The following STK32B variants were observed in gnomAD, a reference collection of about 807,000 sequenced individuals.
STK32B encodes serine/threonine kinase 32B.
In STK32B, 43 loss-of-function variants were observed where a neutral mutation model predicts 52.6. That is an observed-to-expected ratio of 0.82 (90% CI 0.64 to 1.05). The LOEUF (loss-of-function observed/expected upper bound fraction) is 1.05, where lower values mean the gene tolerates loss of function less well. Among genes scored for constraint, STK32B ranks in the 50% least tolerant of loss-of-function variants. The pLI, the probability that STK32B is intolerant of heterozygous loss-of-function variation, is 0.00. For synonymous variants in STK32B, 238 were observed against 204.3 expected (o/e 1.17, Z -1.41); for missense variants, 621 against 534.6 (o/e 1.16, Z -1.59).
Position 5,317,088 on chromosome 4 carries a change from A to AT in STK32B, c.261-14132_261-14131insT, listed in dbSNP as rs1560312798. ...ATAATATATTATATATTATATATAT[A>AT]ATATATATGATATAATATATAATAT... On this transcript the variant is annotated intron_variant, in intron 3 of 11. Coordinates refer to ENST00000282908, the MANE Select transcript of STK32B (RefSeq NM_018401.3). 5.3e-4 allele frequency among the ~76,000 whole-genome samples: 18 copies of AT among 34,090 alleles called. 1 individual carries two copies. Among genetic ancestry groups the AT allele is most frequent in the Admixed American group, 1.1e-3 (2 of 1,828 alleles). The allele number at this position is 34,090 out of a possible 152,430, so 22.4% of individuals were successfully genotyped here. A position where few individuals can be genotyped will look rare whatever the true frequency, so the allele number is the denominator to read the frequency against.
chr4:5,228,548 G>T (rs1724029105), intron 3 of STK32B, among the ~76,000 whole-genome samples: 1 of 152,114 alleles, frequency 6.6e-6, no homozygotes, highest in Non-Finnish European at 1.5e-5. Flanking sequence ...TATGGATCTT[G>T]TTTTTTCTGT....
Position 5,460,218 on chromosome 4 carries a change from T to C in STK32B, c.899T>C (p.Phe300Ser). The C allele has an allele frequency of 6.2e-7, 1 of 1,612,194 alleles. No homozygotes were observed. The highest frequency in any genetic ancestry group is 1.1e-5 in the South Asian group (1 of 90,776). ...AVFKKALMPGFVPNKGRLNCD... is the reference protein window; with the variant it reads ...AVFKKALMPGSVPNKGRLNCD... The stretch of plus-strand genomic sequence containing the variant: ...TTCAAGAAGGCACTGATGCCCGGCT[T>C]TGTGCCCAATGTGAGTGGAAGTCCC... The change falls in exon 9 of 12, where the codon TTT becomes TCT. Residue 300 changes from phenylalanine (F) to serine (S), a missense_variant. Coordinates refer to ENST00000282908, the MANE Select transcript of STK32B (RefSeq NM_018401.3). The surrounding 1 kb of genome is among the most constrained non-coding windows in gnomAD (Gnocchi z 4.8).
chr4:5,389,755 C>G (rs1338618517), intron 4 of STK32B, among the ~76,000 whole-genome samples: 1 of 151,988 alleles, frequency 6.6e-6, no homozygotes, highest in African/African-American at 2.4e-5. Context: ...ACATCCTAAT[C>G]CTTATAATCT....
chr4:5,405,492 C>T (rs1189664786), intron 5 of STK32B, among the ~76,000 whole-genome samples: 2 of 152,140 alleles, frequency 1.3e-5, no homozygotes, highest in East Asian at 1.9e-4. Flanking sequence ...GGAGGTGCGG[C>T]TGTGTTAGTC....
chr4:5,089,609 C>A (rs549652353), intron 1 of STK32B, among the ~76,000 whole-genome samples: 3 of 152,172 alleles, frequency 2.0e-5, no homozygotes, highest in African/African-American at 7.2e-5. Flanking sequence ...GGGTTGGTTC[C>A]ATGTCTTTGG....
chr4:5,329,729 A>G (rs1313319904), intron 3 of STK32B, among the ~76,000 whole-genome samples: 1 of 152,184 alleles, frequency 6.6e-6, no homozygotes, highest in Non-Finnish European at 1.5e-5. Context: ...TGGTAAATTC[A>G]TGATCTGGGG....
chr4:5,206,052 C>CT (rs1722555990), intron 3 of STK32B, among the ~76,000 whole-genome samples: 1 of 152,176 alleles, frequency 6.6e-6, no homozygotes, highest in South Asian at 2.1e-4. Context: ...AACCAAAAAT[C>CT]TTTATAGTAC....
In STK32B at chr4:5,456,830, C is replaced by T. The variant is rs1021302107; in HGVS notation, c.690C>T (p.Val230=). The T allele has an allele frequency of 6.3e-7, 1 of 1,595,112 alleles. No homozygotes were observed. Among genetic ancestry groups the T allele is most frequent in the Non-Finnish European group, 8.6e-7 (1 of 1,168,412 alleles). Residue 230 remains valine (V), a synonymous_variant, in exon 8 of 12, where the codon GTC becomes GTT. Coordinates refer to ENST00000282908, the MANE Select transcript of STK32B (RefSeq NM_018401.3). ...AGAGGCCGTACGAAATCCACTCGGTCACGCCCATCGATGAAATCCTCAACA... is the reference window on the plus strand; with the variant it reads ...AGAGGCCGTACGAAATCCACTCGGTTACGCCCATCGATGAAATCCTCAACA... The part of the protein sequence containing the change: ...RGWRPYEIHS[V]TPIDEILNMF...
intron 4 of STK32B, among the ~76,000 whole-genome samples, chr4:5,390,286 G>A (rs1474655205): frequency 1.3e-5 from 2 of 152,176 alleles, no homozygotes; most frequent in South Asian, 2.1e-4. Context: ...GCTGGCCATG[G>A]CCCAGCCACA....
intron 6 of STK32B, among the ~76,000 whole-genome samples, chr4:5,443,076 A>T (rs1410650524): frequency 1.3e-5 from 2 of 148,934 alleles, no homozygotes; most frequent in African/African-American, 5.0e-5. Context: ...TCTGACAATT[A>T]TGTGTCTTGG....
chr4:5,414,285 C>A (rs1023777304), intron 5 of STK32B, among the ~76,000 whole-genome samples: 6 of 151,868 alleles, frequency 4.0e-5, no homozygotes, highest in African/African-American at 1.4e-4. Flanking sequence ...ACGTGTTTAA[C>A]ACAATATGTA....
At chr4:5,230,417 T>C (rs886736036) in intron 3 of STK32B, among the ~76,000 whole-genome samples, 1 of 151,952 alleles carries the variant, frequency 6.6e-6, no homozygotes, top group African/African-American at 2.4e-5. Flanking sequence ...ATCGAACTCC[T>C]AACCTCAGCT....
intron 4 of STK32B, among the ~76,000 whole-genome samples, chr4:5,390,445 C>T (rs2062665888): frequency 6.6e-6 from 1 of 152,166 alleles, no homozygotes; most frequent in African/African-American, 2.4e-5. Flanking sequence ...TCACAAGCTT[C>T]AAAGTTGGAG....
At chr4:5,265,071 A>C (rs1025041862) in intron 3 of STK32B, among the ~76,000 whole-genome samples, 5 of 152,156 alleles carry the variant, frequency 3.3e-5, no homozygotes, top group Non-Finnish European at 5.9e-5. Context: ...TAGATCTATT[A>C]CTGATCTCAC....
In STK32B at chr4:5,169,664, C is replaced by T. The variant is rs139754329; in HGVS notation, c.260+1214C>T. Among the ~76,000 whole-genome samples the T allele has an allele frequency of 7.9e-5, 12 of 152,184 alleles. No individual in the cohort carries two copies. In the Middle Eastern group the frequency reaches 0.014, roughly 173 times the overall value. On this transcript the variant is annotated intron_variant, in intron 3 of 11. Transcript: ENST00000282908. ...GTCTCAGTATCCACCGAGAGTTCTT[C>T]GTGTCTCTGTGCAGTGATCTAAAAA... is the stretch of plus-strand genomic sequence containing the variant.
At chr4:5,024,519 T>C in the STK32B span, among the ~76,000 whole-genome samples, 80 of 152,338 alleles carry the variant, frequency 5.3e-4, no homozygotes, top group African/African-American at 1.9e-3. Context: ...CTGACACATA[T>C]ACCATTAGCT....
intron 1 of STK32B, among the ~76,000 whole-genome samples, chr4:5,064,380 A>G (rs1392371963): frequency 6.1e-5 from 6 of 99,090 alleles, no homozygotes; most frequent in Non-Finnish European, 1.4e-4. Flanking sequence ...ATACATATAT[A>G]ATATATAAAT....
intron 3 of STK32B, among the ~76,000 whole-genome samples, chr4:5,246,223 A>G (rs748342759): frequency 1.9e-4 from 29 of 152,254 alleles, no homozygotes; most frequent in African/African-American, 5.8e-4. Flanking sequence ...TGAGACGTAG[A>G]TTTGGTCTTT....
At chr4:5,044,292 A>G in the STK32B span, among the ~76,000 whole-genome samples, 2 of 151,986 alleles carry the variant, frequency 1.3e-5, no homozygotes, top group Non-Finnish European at 2.9e-5. Flanking sequence ...AACATCATCA[A>G]TATGCTCAGG....
Sources: gnomAD v4.1 joint callset for allele counts (sites outside exome capture counted in the v4.1 genomes callset) on GRCh38, gnomAD v4.1.1 for gene constraint, Gnocchi (gnomAD v3.1) non-coding constraint, MANE v1.5 for transcripts, NCBI Gene and HGNC (gene_info 2026-07-23, HGNC 2026-07-21) for gene names.